CLK3: variants seen among roughly 807,000 people sequenced by gnomAD.
CLK3 encodes the protein dual specificity protein kinase CLK3.
CLK3 carries 24 observed loss-of-function variants against 65.2 expected under a neutral mutation model. That is an observed-to-expected ratio of 0.37 (90% confidence interval 0.27 to 0.52). The LOEUF is 0.52. CLK3 is among the 20% of genes least tolerant of loss of function. CLK3 has a pLI of 0.92. For missense variants in CLK3, 506 were observed against 660.0 expected, an observed-to-expected ratio of 0.77 and a Z score of 2.56; for synonymous variants, 252 against 240.8, an observed-to-expected ratio of 1.05 and a Z score of -0.43.
upstream of CLK3, chr15:74,614,734 C>CGGGGCCGCGGCTGGCTG (rs1399834914): frequency 2.6e-5 from 4 of 152,260 alleles, no homozygotes; most frequent in Non-Finnish European, 2.9e-5. Context: ...GGGGCATGGG[C>CGGGGCCGCGGCTGGCTG]GGGGCCGCGG....
At chr15:74,615,243 C>T, upstream of CLK3, 1 of 422,722 alleles carries the variant, frequency 2.4e-6, no homozygotes, top group Non-Finnish European at 4.0e-6. Flanking sequence ...CAGACTCCGG[C>T]CCCGCCAGAG....
At chr15:74,614,511 GT>G (rs529319447), upstream of CLK3, among the ~76,000 whole-genome samples, 5 of 152,318 alleles carry the variant, frequency 3.3e-5, no homozygotes, top group East Asian at 7.7e-4. Flanking sequence ...AGGGGACCCA[GT>G]TTTGAATTAG....
chr15:74,619,352 A>G lies in CLK3; in HGVS notation c.152+4A>G. The G allele has an allele frequency of 6.2e-7, 1 of 1,613,942 alleles. No homozygotes were observed. Among genetic ancestry groups the G allele is most frequent in the Non-Finnish European group, 8.5e-7 (1 of 1,179,896 alleles). ...CACGAAGATCTCGGTCCAGAAGGTG[A>G]GAGGGAACTAGATAGGAGGGAAAGA... On this transcript the variant is annotated splice_donor_region_variant and intron_variant, in intron 2 of 12. Transcript: ENST00000395066.
At chr15:74,614,229 G>T (rs2062026868), upstream of CLK3, among the ~76,000 whole-genome samples, 1 of 152,182 alleles carries the variant, frequency 6.6e-6, no homozygotes, top group Non-Finnish European at 1.5e-5. Context: ...GGCCAGACTG[G>T]TCTCGAATTC....
At chr15:74,608,947 C>G (rs1053688279) in intron 1 of CLK3, among the ~76,000 whole-genome samples, 5 of 152,194 alleles carry the variant, frequency 3.3e-5, no homozygotes, top group Admixed American at 2.0e-4. Context: ...ACTCTTGGCC[C>G]GGGGCCACAC....
chr15:74,615,790 T>G, upstream of CLK3: 1 of 1,243,726 alleles, frequency 8.0e-7, no homozygotes, highest in Non-Finnish European at 1.0e-6. Flanking sequence ...TGGCGACGGC[T>G]GCGTCACGCG....
Position 74,615,927 on chromosome 15 carries a change from G to A in CLK3, c.-1+29G>A, listed in dbSNP as rs556229741. The A allele has an allele frequency of 3.4e-4, 427 of 1,238,622 alleles. No individual in the cohort carries two copies. The African/African-American group carries it at 5.9e-3, about 17-fold the overall frequency. 76.7% of individuals were successfully genotyped at this position (1,238,622 alleles called of 1,614,324 possible). A position where few individuals can be genotyped will look rare whatever the true frequency, so the allele number is the denominator to read the frequency against. ...AGTGTGGGCTGGGGTCCGCGGCGGC[G>A]ACAGCGGCGGCGGCGGCCGGGGGTG... On this transcript the variant is annotated intron_variant, in intron 1 of 12. Coordinates refer to ENST00000395066, the MANE Select transcript of CLK3 (RefSeq NM_001130028.2).
chr15:74,621,767 C>T lies in CLK3; in HGVS notation c.370-353C>T, dbSNP rs551416567. 36 of 359,142 alleles carry T rather than the reference C, an allele frequency of 1.0e-4. No homozygotes were observed. The highest frequency in any genetic ancestry group is 5.3e-4 in the South Asian group (25 of 46,804). The allele number at this position is 359,142 out of a possible 1,614,324, so 22.2% of individuals were successfully genotyped here. A position where few individuals can be genotyped will look rare whatever the true frequency, so the allele number is the denominator to read the frequency against. On this transcript the variant is annotated intron_variant, in intron 3 of 12. Coordinates refer to ENST00000395066, the MANE Select transcript of CLK3 (RefSeq NM_001130028.2). The surrounding 1 kb of genome is among the most constrained non-coding windows in gnomAD (Gnocchi z 4.8). ...ACTCGGAGGAGGAGGAGGAGGGAGT[C>T]GGGGCGATGGCTCTCCTCACAGCGT...
At chr15:74,615,676 TC>T (rs2062049107), upstream of CLK3, 11 of 1,240,790 alleles carry the variant, frequency 8.9e-6, no homozygotes, top group Non-Finnish European at 1.0e-5. Context: ...CCGGAACTAG[TC>T]TCCTAGGCCG....
upstream of CLK3, among the ~76,000 whole-genome samples, chr15:74,612,412 G>A (rs1041174930): frequency 4.6e-5 from 7 of 152,062 alleles, no homozygotes; most frequent in Non-Finnish European, 1.0e-4. Context: ...TATTCTGCCA[G>A]TGTTGCCATC....
At position 74,621,841 on chromosome 15, in the gene CLK3, C is replaced by T; in HGVS notation, c.370-279C>T. 2.3e-6 allele frequency: 1 copy of T among 427,404 alleles called. No homozygotes were observed. The highest frequency in any genetic ancestry group is 4.6e-6 in the Non-Finnish European group (1 of 219,056). The allele number at this position is 427,404 out of a possible 1,614,324, so 26.5% of individuals were successfully genotyped here. Reference sequence around the variant, plus strand: ...CATCTTCCTGAGCGTTTGTGGCGCTCCTCTTAAAGATAATGTCCGAGTTTT... The same window carrying T: ...CATCTTCCTGAGCGTTTGTGGCGCTTCTCTTAAAGATAATGTCCGAGTTTT... On this transcript the variant is annotated intron_variant, in intron 3 of 12. Coordinates refer to ENST00000395066, the MANE Select transcript of CLK3 (RefSeq NM_001130028.2). The surrounding 1 kb of genome is among the most constrained non-coding windows in gnomAD (Gnocchi z 4.8).
chr15:74,617,163 A>G (rs1431346546), intron 1 of CLK3, among the ~76,000 whole-genome samples: 1 of 152,210 alleles, frequency 6.6e-6, no homozygotes, highest in Non-Finnish European at 1.5e-5. Context: ...TGCCAGGCTG[A>G]GAGATGTTAT....
chr15:74,616,087 C>T (rs1169562544), intron 1 of CLK3, 189 bp downstream of exon 1: 1 of 446,846 alleles, frequency 2.2e-6, no homozygotes, highest in South Asian at 1.2e-4. Flanking sequence ...CACTGCAGAC[C>T]CTGACCTCGA....
chr15:74,622,394 A>G lies in CLK3; in HGVS notation c.467-100A>G. On this transcript the variant is annotated intron_variant, in intron 4 of 12. Transcript: ENST00000395066. This position sits in a 1 kb window ranked among gnomAD's most constrained non-coding sequence, Gnocchi z 4.6. ...TTTTAAGAGTGTAGCAGTGAGAGAGAAACCTTTTTTGTTTTTGAGAATTTG... is the reference window on the plus strand; with the variant it reads ...TTTTAAGAGTGTAGCAGTGAGAGAGGAACCTTTTTTGTTTTTGAGAATTTG... 1.8e-6 allele frequency: 2 copies of G among 1,107,130 alleles called. No individual in the cohort carries two copies. The highest frequency in any genetic ancestry group is 2.4e-5 in the East Asian group (1 of 42,110). 68.6% of individuals were successfully genotyped at this position (1,107,130 alleles called of 1,614,324 possible).
At position 74,625,785 on chromosome 15, in the gene CLK3, C is replaced by G. The variant is rs959078756; in HGVS notation, c.651-17C>G. The G allele has an allele frequency of 6.2e-7, 1 of 1,612,102 alleles. No individual in the cohort carries two copies. The highest frequency in any genetic ancestry group is 8.5e-7 in the Non-Finnish European group (1 of 1,179,032). On this transcript the variant is annotated splice_polypyrimidine_tract_variant and intron_variant, in intron 6 of 12. Coordinates refer to ENST00000395066, the MANE Select transcript of CLK3 (RefSeq NM_001130028.2). ...CCCCAGCACACAGCCTGAGCCCTGC[C>G]CATCCTCCTCCTCCAGCCTGTGTGT...
In CLK3 at chr15:74,624,609, G is replaced by C. The variant is rs895613916; in HGVS notation, c.534-293G>C. On this transcript the variant is annotated intron_variant, in intron 5 of 12. Coordinates refer to ENST00000395066, the MANE Select transcript of CLK3 (RefSeq NM_001130028.2). This position sits in a 1 kb window ranked among gnomAD's most constrained non-coding sequence, Gnocchi z 4.2. ...CTCTTGGACTGGCACTGGTTAAGCA[G>C]GATTGGCCTCTACTCTCCCACACTC... 1.1e-5 allele frequency: 5 copies of C among 469,056 alleles called. No homozygotes were observed. The highest frequency in any genetic ancestry group is 9.7e-5 in the African/African-American group (5 of 51,412). 29.1% of individuals were successfully genotyped at this position (469,056 alleles called of 1,614,324 possible). A position where few individuals can be genotyped will look rare whatever the true frequency, so the allele number is the denominator to read the frequency against.
intron 11 of CLK3, 30 bp from the exon 12 acceptor site, chr15:74,628,912 C>A (rs1263317680): frequency 1.3e-6 from 2 of 1,516,018 alleles, no homozygotes; most frequent in East Asian, 2.3e-5. Flanking sequence ...TTACTACTCC[C>A]ACACTTGACT....
rs748795519 is a variant in CLK3 at position 74,620,103 on chromosome 15, T to C, written c.247T>C (p.Tyr83His). The C allele has an allele frequency of 6.2e-7, 1 of 1,613,978 alleles. No individual in the cohort carries two copies. Among genetic ancestry groups the C allele is most frequent in the African/African-American group, 1.3e-5 (1 of 74,924 alleles). Residue 83 changes from tyrosine (Y) to histidine (H), a missense_variant, in exon 3 of 13, where the codon TAC (tyrosine) becomes CAC (histidine). Coordinates refer to ENST00000395066, the MANE Select transcript of CLK3 (RefSeq NM_001130028.2). Reference protein sequence around the residue: ...EERSPSFGEDYYGPSRSRHRR... With the variant: ...EERSPSFGEDHYGPSRSRHRR... ...GCGGAGCCCATCCTTTGGAGAGGACTACTATGGACCTTCACGTTCTCGTCA... is the reference window on the plus strand; with the variant it reads ...GCGGAGCCCATCCTTTGGAGAGGACCACTATGGACCTTCACGTTCTCGTCA...
Position 74,622,594 on chromosome 15 carries a change from A to G in CLK3, c.533+34A>G. 1.3e-6 allele frequency: 2 copies of G among 1,547,334 alleles called. No individual in the cohort carries two copies. The highest frequency in any genetic ancestry group is 1.8e-6 in the Non-Finnish European group (2 of 1,135,856). On this transcript the variant is annotated intron_variant, in intron 5 of 12. Coordinates refer to ENST00000395066, the MANE Select transcript of CLK3 (RefSeq NM_001130028.2). This position sits in a 1 kb window ranked among gnomAD's most constrained non-coding sequence, Gnocchi z 4.6. ...GCTGCGGCAGTACAGCTGGCTCCGG[A>G]TGTGATCTTCCTGGGAAGAGCTGGC...
Sources: allele counts gnomAD v4.1 joint callset (sites outside exome capture counted in the v4.1 genomes callset), GRCh38; gene constraint gnomAD v4.1.1; non-coding constraint Gnocchi (gnomAD v3.1); transcripts MANE v1.5; gene names NCBI Gene and HGNC (gene_info 2026-07-23, HGNC 2026-07-21).